Variants in RPP38 observed in about 807,000 individuals in gnomAD.
RPP38 encodes ribonuclease P protein subunit p38.
A neutral mutation model predicts 1.7 loss-of-function variants in RPP38; 2 were observed. The observed-to-expected ratio is 1.18, with a 90% confidence interval of 0.48 to 3.70. The LOEUF is 3.70. RPP38 is among the 30% of genes most tolerant of loss of function. RPP38 has a pLI of 0.07. For missense variants in RPP38, 358 were observed against 340.1 expected (o/e 1.05, Z -0.41); for synonymous variants, 151 against 131.8 (o/e 1.15, Z -1.00).
At chr10:15,103,228 G>T in intron 2 of RPP38, 77 bp from the exon 3 acceptor site, 1 of 1,227,224 alleles carries the variant, frequency 8.1e-7, no homozygotes, top group Non-Finnish European at 1.1e-6. Flanking sequence ...GAATCAGAGA[G>T]TACAGTCAAG....
At chr10:15,100,977 G>A (rs374739325) in intron 1 of RPP38, among the ~76,000 whole-genome samples, 4 of 152,150 alleles carry the variant, frequency 2.6e-5, no homozygotes, top group African/African-American at 9.7e-5. Flanking sequence ...CACTGCACCC[G>A]GCCTGGGGCA....
At chr10:15,099,526 G>A (rs1193137518) in intron 1 of RPP38, among the ~76,000 whole-genome samples, 1 of 151,134 alleles carries the variant, frequency 6.6e-6, no homozygotes. Flanking sequence ...CCAGGCTGGA[G>A]CACAGTGGTG....
intron 1 of RPP38, among the ~76,000 whole-genome samples, chr10:15,101,413 A>C (rs910542074): frequency 3.1e-4 from 47 of 152,128 alleles, no homozygotes; most frequent in African/African-American, 1.1e-3. Flanking sequence ...AAGAGAAGGG[A>C]GTGTGTAGTT....
Position 15,104,048 on chromosome 10 carries a change from A to G in RPP38, c.734A>G (p.Lys245Arg), listed in dbSNP as rs765534079. 62 of 1,614,006 alleles carry G rather than the reference A, an allele frequency of 3.8e-5. No individual in the cohort carries two copies. The highest frequency in any genetic ancestry group is 5.1e-5 in the Non-Finnish European group (60 of 1,180,032). ...SFEDLSKPKR[K>R]LADGRQASVT... The stretch of plus-strand genomic sequence containing the variant: ...GAAGATCTGTCAAAACCTAAGAGAA[A>G]GCTTGCTGACGGTCGGCAGGCTTCT... Residue 245 changes from lysine (K) to arginine (R), a missense_variant, in exon 3 of 3, where the codon AAG becomes AGG. By Grantham distance (26) the Lys-to-Arg change is conservative. Transcript: ENST00000378197.
chr10:15,099,202 C>G (rs1015680756), intron 1 of RPP38, among the ~76,000 whole-genome samples: 2 of 152,218 alleles, frequency 1.3e-5, no homozygotes, highest in Admixed American at 1.3e-4. Flanking sequence ...TGTATAAAGA[C>G]TTGCAGGTGG....
chr10:15,103,542 C>G lies in RPP38; in HGVS notation c.228C>G (p.Ser76Arg). The change falls in exon 3 of 3, where the codon AGC (serine) becomes AGG (arginine). Residue 76 changes from serine (S) to arginine (R), a missense_variant. Transcript: ENST00000378197. ...KNKTPFLKKE[S>R]REKCSIAVDI... The stretch of plus-strand genomic sequence containing the variant: ...AAACACCTTTTCTGAAAAAAGAAAG[C>G]AGAGAGAAATGCAGCATTGCTGTTG... 1 of 1,613,918 alleles carries G rather than the reference C, an allele frequency of 6.2e-7. No individual in the cohort carries two copies. Among genetic ancestry groups the G allele is most frequent in the Non-Finnish European group, 8.5e-7 (1 of 1,179,934 alleles).
intron 1 of RPP38, among the ~76,000 whole-genome samples, chr10:15,098,992 C>T (rs1023415130): frequency 6.6e-6 from 1 of 151,898 alleles, no homozygotes; most frequent in African/African-American, 2.4e-5. Flanking sequence ...TGTTCCCTGA[C>T]CTTCATGTGC....
chr10:15,099,405 C>T (rs7909109), intron 1 of RPP38, among the ~76,000 whole-genome samples: 5,559 of 151,730 alleles, frequency 0.037, 321 homozygotes, highest in African/African-American at 0.12. Context: ...GCCGAGGCTA[C>T]GGGATTGCCT....
In RPP38 at chr10:15,103,574, G is replaced by T; in HGVS notation, c.260G>T (p.Ser87Ile). Residue 87 changes from serine (S) to isoleucine (I), a missense_variant, in exon 3 of 3, where the codon AGT becomes ATT. Coordinates refer to ENST00000378197, the MANE Select transcript of RPP38 (RefSeq NM_183005.5). ...AAATGCAGCATTGCTGTTGATATTA[G>T]TGAGAATCTGAAGGAGAAGAAAACA... ...REKCSIAVDI[S>I]ENLKEKKTDA... is the part of the protein sequence containing the mutation. 6.2e-7 allele frequency: 1 copy of T among 1,614,126 alleles called. No homozygotes were observed. The highest frequency in any genetic ancestry group is 8.5e-7 in the Non-Finnish European group (1 of 1,180,032).
intron 1 of RPP38, among the ~76,000 whole-genome samples, chr10:15,099,476 C>CTTT (rs758952385): frequency 0.025 from 3,478 of 141,932 alleles, 149 homozygotes; most frequent in African/African-American, 0.085. Flanking sequence ...TATAGAATTT[C>CTTT]TTTTTTTTTT....
intron 2 of RPP38, 167 bp from the exon 3 acceptor site, chr10:15,103,138 G>A (rs1234813477): frequency 1.9e-6 from 1 of 524,718 alleles, no homozygotes; most frequent in East Asian, 3.8e-5. Context: ...GTTGCAGTGA[G>A]CTGAGATTGT....
intron 2 of RPP38, 172 bp from the exon 3 acceptor site, chr10:15,103,133 A>C (rs1845165539): frequency 1.7e-5 from 8 of 480,534 alleles, no homozygotes; most frequent in Admixed American, 8.2e-5. Context: ...TGGAGGTTGC[A>C]GTGAGCTGAG....
rs34040166 is a variant in RPP38 at position 15,104,062 on chromosome 10, C to A, written c.748C>A (p.Arg250=). ...SKPKRKLADG[R]QASVTLQPLK... ...ACCTAAGAGAAAGCTTGCTGACGGT[C>A]GGCAGGCTTCTGTAACATTACAACC... Residue 250 remains arginine (R), a synonymous_variant, in exon 3 of 3, where the codon CGG becomes AGG. Transcript: ENST00000378197. 1.5e-5 allele frequency: 24 copies of A among 1,613,810 alleles called. No homozygotes were observed. The highest frequency in any genetic ancestry group is 6.6e-5 in the South Asian group (6 of 91,020).
chr10:15,101,162 G>A (rs1386400207), intron 1 of RPP38, among the ~76,000 whole-genome samples: 1 of 152,214 alleles, frequency 6.6e-6, no homozygotes, highest in Non-Finnish European at 1.5e-5. Context: ...ACTTTAGGCA[G>A]TGAGTCAGTT....
chr10:15,103,998 CAGAG>C lies in RPP38; in HGVS notation c.687_690del (p.Arg229SerfsTer25), dbSNP rs763735751. On this transcript the variant is annotated frameshift_variant, in exon 3 of 3. Transcript: ENST00000378197. LOFTEE classifies it low-confidence loss of function (END_TRUNC). ...AGACTGAACCTCTGGAAAGCCAAGA[CAGAG>C]AGCTTTTGGACACTTCATTTGAAGA... The C allele has an allele frequency of 2.0e-5, 33 of 1,614,094 alleles. No homozygotes were observed. The highest frequency in any genetic ancestry group is 2.8e-5 in the Non-Finnish European group (33 of 1,180,002).
rs778987259 is a variant in RPP38, at chr10:15,103,798, C to T, written c.484C>T (p.Pro162Ser). The T allele has an allele frequency of 1.9e-6, 3 of 1,613,862 alleles. No homozygotes were observed. Among genetic ancestry groups the T allele is most frequent in the African/African-American group, 1.3e-5 (1 of 74,876 alleles). The change falls in exon 3 of 3, where the codon CCC becomes TCC. Residue 162 changes from proline to serine, a missense_variant. Pro to Ser is a moderately conservative substitution (Grantham distance 74). Coordinates refer to ENST00000378197, the MANE Select transcript of RPP38 (RefSeq NM_183005.5). The part of the protein sequence containing the change: ...LSRSVPACQV[P>S]RLSERIAPVI... The stretch of plus-strand genomic sequence containing the variant: ...CAGAAGTGTCCCTGCCTGTCAGGTC[C>T]CCCGGCTCAGTGAGAGAATCGCCCC...
intron 1 of RPP38, among the ~76,000 whole-genome samples, chr10:15,101,628 T>A (rs1174831014): frequency 6.6e-6 from 1 of 152,142 alleles, no homozygotes; most frequent in African/African-American, 2.4e-5. Context: ...TGGTGGCTCG[T>A]TCCTGTAATC....
At chr10:15,098,203 C>G (rs1442161216) in intron 1 of RPP38, among the ~76,000 whole-genome samples, 2 of 149,110 alleles carry the variant, frequency 1.3e-5, no homozygotes. Context: ...TCTGCCCCAG[C>G]CACATTGAAC....
At chr10:15,101,408 A>G (rs1845104286) in intron 1 of RPP38, among the ~76,000 whole-genome samples, 1 of 152,146 alleles carries the variant, frequency 6.6e-6, no homozygotes, top group Non-Finnish European at 1.5e-5. Context: ...GAGGGAAGAG[A>G]AGGGAGTGTG....
Sources: gnomAD v4.1 joint callset for allele counts (sites outside exome capture counted in the v4.1 genomes callset) on GRCh38, gnomAD v4.1.1 for gene constraint, MANE v1.5 for transcripts, NCBI Gene and HGNC (gene_info 2026-07-23, HGNC 2026-07-21) for gene names.